HMG20B: variants seen among roughly 807,000 people sequenced by gnomAD.
The protein encoded by HMG20B is high mobility group 20B.
Under a neutral mutation model 41.6 loss-of-function variants are expected in HMG20B, and 24 were observed. The observed-to-expected ratio is 0.58, with a 90% CI of 0.42 to 0.81. The LOEUF (loss-of-function observed/expected upper bound fraction) is 0.81, where lower values mean the gene tolerates loss of function less well. HMG20B is among the 30% of genes least tolerant of loss of function. The pLI is 0.00. For missense variants in HMG20B, 461 were observed against 444.0 expected (o/e 1.04, Z -0.34); for synonymous variants, 251 against 186.6 (o/e 1.34, Z -2.81).
chr19:3,576,341 GGA>G (rs754453310), intron 6 of HMG20B, 34 bp downstream of exon 6: 1 of 1,606,708 alleles, frequency 6.2e-7, no homozygotes, highest in Non-Finnish European at 8.5e-7. Context: ...AGCACCTGGG[GGA>G]GAAAGGTCTG....
At position 3,574,402 on chromosome 19, in the gene HMG20B, G is replaced by A. The variant is rs2032112864; in HGVS notation, c.167G>A (p.Trp56Ter). The change falls in exon 4 of 10, where the codon TGG (tryptophan) becomes TAG (stop). Residue 56 changes from tryptophan (W) to a stop codon, truncating the protein, a stop_gained. Transcript: ENST00000333651. LOFTEE classifies it high-confidence loss of function. ...CTGCAGCCGGTGAAGAAACGCGGCT[G>A]GCCCAAGGGCAAGAAGCGGAAGAAG... is the stretch of plus-strand genomic sequence containing the variant. Reference protein sequence around the residue: ...HEEEPVKKRGWPKGKKRKKIL... With the variant: ...HEEEPVKKRG 1.3e-6 allele frequency: 2 copies of A among 1,598,166 alleles called. No homozygotes were observed. Among genetic ancestry groups the A allele is most frequent in the Non-Finnish European group, 1.7e-6 (2 of 1,173,132 alleles).
At chr19:3,577,888 G>T (rs1445827266) in intron 8 of HMG20B, 93 bp from the exon 9 acceptor site, 3 of 1,228,512 alleles carry the variant, frequency 2.4e-6, no homozygotes, top group South Asian at 1.5e-5. Flanking sequence ...GCGCCCGCGC[G>T]ACCCGCCCTG....
chr19:3,578,243 C>T, intron 9 of HMG20B, 130 bp downstream of exon 9: 4 of 1,353,962 alleles, frequency 3.0e-6, no homozygotes, highest in African/African-American at 1.4e-5. Context: ...CCCGGAGGGG[C>T]CTACCTGCGG....
At chr19:3,578,314 T>A in intron 9 of HMG20B, 195 bp from the exon 10 acceptor site, 1 of 1,130,962 alleles carries the variant, frequency 8.8e-7, no homozygotes, top group Non-Finnish European at 1.2e-6. Context: ...CGGGACCCAC[T>A]CGGGGGCACC....
chr19:3,578,235 C>G (rs1191042455), intron 9 of HMG20B, 122 bp downstream of exon 9: 9 of 1,388,310 alleles, frequency 6.5e-6, no homozygotes, highest in Non-Finnish European at 7.8e-6. Context: ...GATCACCTCC[C>G]GGAGGGGCCT....
chr19:3,578,427 A>G (rs963200962), intron 9 of HMG20B, 82 bp from the exon 10 acceptor site: 83 of 1,448,272 alleles, frequency 5.7e-5, no homozygotes, highest in Middle Eastern at 5.1e-4. Flanking sequence ...CTGATGGGCC[A>G]TGGTCTCTGG....
In HMG20B at chr19:3,573,762, G is replaced by T; in HGVS notation, c.109G>T (p.Gly37Cys). The change falls in exon 3 of 10, where the codon GGT becomes TGT. Residue 37 changes from glycine to cysteine, a missense_variant. Around this residue, in one of 3 missense-constraint regions of HMG20B, gnomAD observed 104 missense variants for 76.5 expected, o/e 1.36. Coordinates refer to ENST00000333651, the MANE Select transcript of HMG20B (RefSeq NM_006339.3). ...GACTGTCAAGCAAGAGCGCGGCGAG[G>T]GTCCACGCGCGGGCGAGAAGGGGTC... ...VVTVKQERGEGPRAGEKGSHE... is the reference protein window; with the variant it reads ...VVTVKQERGECPRAGEKGSHE... The T allele has an allele frequency of 6.4e-7, 1 of 1,559,064 alleles. No homozygotes were observed. Among genetic ancestry groups the T allele is most frequent in the Admixed American group, 2.1e-5 (1 of 48,720 alleles).
chr19:3,577,081 C>G lies in HMG20B; in HGVS notation c.782C>G (p.Ala261Gly). The G allele has an allele frequency of 6.5e-7, 1 of 1,539,236 alleles. No individual in the cohort carries two copies. The highest frequency in any genetic ancestry group is 8.7e-7 in the Non-Finnish European group (1 of 1,144,712). Residue 261 changes from alanine to glycine, a missense_variant, in exon 8 of 10, where the codon GCC (alanine) becomes GGC (glycine). Around this residue, in one of 3 missense-constraint regions of HMG20B, gnomAD observed 308 missense variants for 283.4 expected, o/e 1.09. Coordinates refer to ENST00000333651, the MANE Select transcript of HMG20B (RefSeq NM_006339.3). ...QLQAVRQALT[A>G]SFASLPVPGT... is the part of the protein sequence containing the mutation. Reference sequence around the variant, plus strand: ...CAGGCCGTGCGCCAGGCGCTCACCGCCAGCTTCGCCTCACTGCCGGTGCCG... The same window carrying G: ...CAGGCCGTGCGCCAGGCGCTCACCGGCAGCTTCGCCTCACTGCCGGTGCCG...
chr19:3,574,346 C>T (rs1387166547), intron 3 of HMG20B, 37 bp from the exon 4 acceptor site: 4 of 1,547,466 alleles, frequency 2.6e-6, no homozygotes, highest in Middle Eastern at 1.7e-4. Context: ...CCCAGTACGC[C>T]AGGCCCCCCT....
intron 9 of HMG20B, 174 bp downstream of exon 9, chr19:3,578,287 G>A: frequency 8.8e-7 from 1 of 1,140,910 alleles, no homozygotes; most frequent in Non-Finnish European, 1.2e-6. Context: ...GGATGGCCAT[G>A]GAGAACCCCG....
chr19:3,576,290 C>T lies in HMG20B; in HGVS notation c.502C>T (p.Leu168Phe), dbSNP rs2032160490. The T allele has an allele frequency of 6.2e-7, 1 of 1,613,088 alleles. No homozygotes were observed. Among genetic ancestry groups the T allele is most frequent in the Non-Finnish European group, 8.5e-7 (1 of 1,179,588 alleles). ...EDSSSGLMNTLLNGHKGGDCD... is the reference protein window; with the variant it reads ...EDSSSGLMNTFLNGHKGGDCD... ...CTCGAGCTCTGGGCTCATGAACACTCTCCTGAATGGACACAAGGTAAGCGA... is the reference window on the plus strand; with the variant it reads ...CTCGAGCTCTGGGCTCATGAACACTTTCCTGAATGGACACAAGGTAAGCGA... Residue 168 changes from leucine (L) to phenylalanine (F), a missense_variant, in exon 6 of 10, where the codon CTC becomes TTC. Around this residue, in one of 3 missense-constraint regions of HMG20B, gnomAD observed 308 missense variants for 283.4 expected, o/e 1.09. Coordinates refer to ENST00000333651, the MANE Select transcript of HMG20B (RefSeq NM_006339.3).
At chr19:3,574,292 C>CCCCCCAAA in intron 3 of HMG20B, 91 bp from the exon 4 acceptor site, 1 of 939,774 alleles carries the variant, frequency 1.1e-6, no homozygotes, top group Admixed American at 2.4e-5. Flanking sequence ...CCCCCATCCC[C>CCCCCCAAA]GCCCATACGC....
intron 3 of HMG20B, chr19:3,574,029 G>A: frequency 4.4e-6 from 3 of 674,742 alleles, no homozygotes; most frequent in South Asian, 1.6e-5. Flanking sequence ...CTAAGGTCCC[G>A]CCCACTTCCA....
chr19:3,574,524 T>G lies in HMG20B; in HGVS notation c.289T>G (p.Phe97Val), dbSNP rs1239988662. ...QIRTRHPDLP[F>V]PEITKMLGAE... is the part of the protein sequence containing the mutation. The stretch of plus-strand genomic sequence containing the variant: ...CCGCACGCGCCACCCGGATCTGCCC[T>G]TTCCCGAGATCACCAAGATGCTGGG... Residue 97 changes from phenylalanine (F) to valine (V), a missense_variant, in exon 4 of 10, where the codon TTT becomes GTT. Physicochemically the swap from Phe to Val is conservative, Grantham distance 50. Around this residue, in one of 3 missense-constraint regions of HMG20B, gnomAD observed 49 missense variants for 84.1 expected, o/e 0.58. Coordinates refer to ENST00000333651, the MANE Select transcript of HMG20B (RefSeq NM_006339.3). 1 of 1,606,028 alleles carries G rather than the reference T, an allele frequency of 6.2e-7. No homozygotes were observed. Among genetic ancestry groups the G allele is most frequent in the Admixed American group, 1.7e-5 (1 of 59,186 alleles).
Position 3,574,418 on chromosome 19 carries a change from G to A in HMG20B, c.183G>A (p.Lys61=). The change falls in exon 4 of 10, where the codon AAG becomes AAA. Residue 61 remains lysine (K), a synonymous_variant. Coordinates refer to ENST00000333651, the MANE Select transcript of HMG20B (RefSeq NM_006339.3). ...VKKRGWPKGK[K]RKKILPNGPK... ...AACGCGGCTGGCCCAAGGGCAAGAAGCGGAAGAAGATTCTGCCGAATGGGC... is the reference window on the plus strand; with the variant it reads ...AACGCGGCTGGCCCAAGGGCAAGAAACGGAAGAAGATTCTGCCGAATGGGC... 6.2e-7 allele frequency: 1 copy of A among 1,605,932 alleles called. No homozygotes were observed. The highest frequency in any genetic ancestry group is 8.5e-7 in the Non-Finnish European group (1 of 1,176,928).
intron 7 of HMG20B, 83 bp downstream of exon 7, chr19:3,576,708 G>T: frequency 7.4e-7 from 1 of 1,359,072 alleles, no homozygotes; most frequent in Non-Finnish European, 1.0e-6. Flanking sequence ...CCCCAAGACT[G>T]CAGGAGGCGG....
intron 7 of HMG20B, 46 bp downstream of exon 7, chr19:3,576,671 G>A: frequency 1.3e-6 from 2 of 1,544,684 alleles, no homozygotes; most frequent in Non-Finnish European, 1.8e-6. Context: ...GAAACTGGGT[G>A]GTAGAGGGGG....
At position 3,578,730 on chromosome 19, in the gene HMG20B, G is replaced by A. The variant is rs774099255; in HGVS notation, c.*209G>A. On this transcript the variant is annotated 3_prime_UTR_variant, in exon 10 of 10. Coordinates refer to ENST00000333651, the MANE Select transcript of HMG20B (RefSeq NM_006339.3). ...CCTGAACCCGGAAAAAGCACTCGCT[G>A]CGCGATACACCCAGAAGAACCTCAC... 1.3e-6 allele frequency: 1 copy of A among 779,304 alleles called. No individual in the cohort carries two copies. Among genetic ancestry groups the A allele is most frequent in the South Asian group, 1.4e-5 (1 of 70,226 alleles). 48.3% of individuals were successfully genotyped at this position (779,304 alleles called of 1,614,324 possible).
At chr19:3,574,103 C>A in intron 3 of HMG20B, 1 of 632,384 alleles carries the variant, frequency 1.6e-6, no homozygotes. Flanking sequence ...AAACCACGCC[C>A]ACCAAGCAGA....
Sources: allele counts gnomAD v4.1 joint callset, GRCh38; gene constraint gnomAD v4.1.1; regional missense constraint gnomAD v4.1.1; transcripts MANE v1.5; gene names NCBI Gene and HGNC (gene_info 2026-07-23, HGNC 2026-07-21).